DNAH7: variants seen among roughly 807,000 people sequenced by gnomAD.
The protein encoded by DNAH7 is dynein axonemal heavy chain 7.
A neutral mutation model predicts 444.6 loss-of-function variants in DNAH7; 397 were observed. The ratio of observed to expected loss-of-function variants is 0.89; its 90% CI spans 0.82 to 0.97. The LOEUF (loss-of-function observed/expected upper bound fraction) is 0.97. Among genes scored for constraint, DNAH7 ranks in the 50% least tolerant of loss-of-function variants. DNAH7 has a pLI of 0.00. For synonymous variants in DNAH7, 1,636 were observed against 1,624.4 expected (o/e 1.01, Z -0.17); for missense variants, 4,902 against 4,800.8 (o/e 1.02, Z -0.62).
Position 195,809,775 on chromosome 2 carries a change from T to C in DNAH7, c.9858A>G (p.Leu3286=), listed in dbSNP as rs148529386. 476 of 1,598,690 alleles carry C rather than the reference T, an allele frequency of 3.0e-4. 5 individuals are homozygous for C. The East Asian group carries it at 0.011, about 36-fold the overall frequency. The change falls in exon 52 of 65, where the codon CTA becomes CTG. Residue 3286 remains leucine (L), a synonymous_variant. Coordinates refer to ENST00000312428, the MANE Select transcript of DNAH7 (RefSeq NM_018897.3). ...GCTCATGCAGCAGTAGATTTATGGT[T>C]AGACAAAAGGAAAAGAGCAGCTTAT... ...EKDKLLFSFC[L]TINLLLHERA... is the part of the protein sequence containing the mutation.
At chr2:195,915,724 T>TC (rs1687635450) in intron 24 of DNAH7, among the ~76,000 whole-genome samples, 1 of 152,136 alleles carries the variant, frequency 6.6e-6, no homozygotes, top group African/African-American at 2.4e-5. Context: ...TGGCTCTCAT[T>TC]CCCCATCTGC....
At chr2:196,050,741 C>T (rs183364251) in intron 3 of DNAH7, among the ~76,000 whole-genome samples, 8 of 152,126 alleles carry the variant, frequency 5.3e-5, no homozygotes, top group Admixed American at 3.9e-4. Context: ...AAAAAGATTC[C>T]AAAATCTAAG....
intron 58 of DNAH7, among the ~76,000 whole-genome samples, chr2:195,782,321 A>C (rs1369418573): frequency 3.3e-5 from 5 of 152,198 alleles, no homozygotes; most frequent in Non-Finnish European, 7.3e-5. Context: ...CTCATGATGA[A>C]GTATACATGA....
At chr2:195,815,342 T>C (rs896793189) in intron 51 of DNAH7, among the ~76,000 whole-genome samples, 2 of 152,146 alleles carry the variant, frequency 1.3e-5, no homozygotes, top group African/African-American at 2.4e-5. Flanking sequence ...CAGATATCTA[T>C]ATATCTATAT....
Position 195,927,797 on chromosome 2 carries a change from G to A in DNAH7, c.3472-1231C>T, listed in dbSNP as rs536191297. On this transcript the variant is annotated intron_variant, in intron 21 of 64. Coordinates refer to ENST00000312428, the MANE Select transcript of DNAH7 (RefSeq NM_018897.3). ...ATATATGTAGTAGCCTTTCAAGCATGCAAATACACATAGCACAACACAGTA... is the reference window on the plus strand; with the variant it reads ...ATATATGTAGTAGCCTTTCAAGCATACAAATACACATAGCACAACACAGTA... Among the ~76,000 whole-genome samples the A allele has an allele frequency of 2.6e-5, 4 of 151,960 alleles. No individual in the cohort carries two copies. The South Asian group carries it at 8.3e-4, about 32-fold the overall frequency.
chr2:196,030,686 G>C (rs1377732145), intron 5 of DNAH7, among the ~76,000 whole-genome samples: 2 of 152,188 alleles, frequency 1.3e-5, no homozygotes, highest in Non-Finnish European at 2.9e-5. Context: ...TGGTTACAGA[G>C]CCCATTCAAG....
intron 47 of DNAH7, among the ~76,000 whole-genome samples, chr2:195,844,155 C>T (rs1698848235): frequency 6.6e-6 from 1 of 152,150 alleles, no homozygotes; most frequent in Non-Finnish European, 1.5e-5. Flanking sequence ...CTAGTCTCCA[C>T]ATTTAGTGTT....
intron 5 of DNAH7, among the ~76,000 whole-genome samples, chr2:196,035,979 C>T (rs1259760189): frequency 2.6e-5 from 4 of 151,892 alleles, no homozygotes; most frequent in African/African-American, 7.2e-5. Flanking sequence ...GCCAACACCA[C>T]AGGATTATAT....
chr2:195,957,725 A>G (rs954752260), intron 18 of DNAH7, among the ~76,000 whole-genome samples: 1 of 152,084 alleles, frequency 6.6e-6, no homozygotes, highest in African/African-American at 2.4e-5. Flanking sequence ...AAGATAAATC[A>G]CTAGATTTGT....
At chr2:195,792,166 C>CAA (rs34983984) in intron 57 of DNAH7, among the ~76,000 whole-genome samples, 4,239 of 52,208 alleles carry the variant, frequency 0.081, 342 homozygotes, top group African/African-American at 0.13. Context: ...GACCCTGTCT[C>CAA]AAAAAAAAAA....
At position 195,828,608 on chromosome 2, in the gene DNAH7, ATATTT is replaced by A. The variant is rs1419317331; in HGVS notation, c.9101-4168_9101-4164del. On this transcript the variant is annotated intron_variant, in intron 48 of 64. Coordinates refer to ENST00000312428, the MANE Select transcript of DNAH7 (RefSeq NM_018897.3). ...TCAAAAATAACATATATATATATAT[ATATTT>A]TTTTTTTTTTTTTCTATTGCATATT... Among the ~76,000 whole-genome samples, 82 of 105,282 alleles carry A rather than the reference ATATTT, an allele frequency of 7.8e-4. No individual in the cohort carries two copies. In the Middle Eastern group the frequency reaches 0.017, roughly 21 times the overall value. The allele number at this position is 105,282 out of a possible 152,430, so 69.1% of individuals were successfully genotyped here.
At chr2:195,775,768 C>G (rs1184152139) in intron 60 of DNAH7, 78 bp downstream of exon 60, 74 of 1,457,188 alleles carry the variant, frequency 5.1e-5, no homozygotes, top group East Asian at 2.9e-4. Flanking sequence ...TGTAAGGAAG[C>G]CTGTTCAGTG....
chr2:195,866,270 C>G (rs1327126041), intron 40 of DNAH7, among the ~76,000 whole-genome samples: 1 of 151,428 alleles, frequency 6.6e-6, no homozygotes, highest in Non-Finnish European at 1.5e-5. Context: ...ATTGCCCTAG[C>G]ATTAAGGTTA....
intron 19 of DNAH7, among the ~76,000 whole-genome samples, chr2:195,939,269 C>T (rs1469959982): frequency 6.6e-6 from 1 of 152,068 alleles, no homozygotes; most frequent in East Asian, 1.9e-4. Context: ...TTACATCACT[C>T]CATGTTTTAT....
At chr2:195,742,408 T>C (rs1392330779) in intron 63 of DNAH7, among the ~76,000 whole-genome samples, 2 of 152,228 alleles carry the variant, frequency 1.3e-5, no homozygotes, top group African/African-American at 2.4e-5. Context: ...AGATTAGTTA[T>C]TCCTCATTTG....
rs759356282 is a variant in DNAH7 at position 195,787,191 on chromosome 2, T to A, written c.10717-20A>T. 52 of 1,571,820 alleles carry A rather than the reference T, an allele frequency of 3.3e-5. No individual in the cohort carries two copies. The highest frequency in any genetic ancestry group is 4.4e-5 in the Non-Finnish European group (51 of 1,165,690). ...TTCCTCCTGTAATGAGAAGAAATGA[T>A]GCCGCATCATTATTTTCTCCATATA... On this transcript the variant is annotated intron_variant, in intron 57 of 64. Coordinates refer to ENST00000312428, the MANE Select transcript of DNAH7 (RefSeq NM_018897.3).
intron 30 of DNAH7, 93 bp downstream of exon 30, chr2:195,894,883 T>C: frequency 8.4e-7 from 1 of 1,186,264 alleles, no homozygotes; most frequent in Non-Finnish European, 1.1e-6. Flanking sequence ...TGATTTTAAG[T>C]TGCCACATTG....
chr2:195,831,985 T>C (rs1698096424), intron 48 of DNAH7, among the ~76,000 whole-genome samples: 1 of 152,194 alleles, frequency 6.6e-6, no homozygotes, highest in Non-Finnish European at 1.5e-5. Context: ...ATTTCAAACT[T>C]TTCTGGCCAC....
At chr2:196,063,134 A>C (rs1348358949) in intron 1 of DNAH7, among the ~76,000 whole-genome samples, 1 of 152,098 alleles carries the variant, frequency 6.6e-6, no homozygotes, top group Non-Finnish European at 1.5e-5. Context: ...CACCCACCTC[A>C]GCCTCCCAAA....
Sources: allele counts gnomAD v4.1 joint callset (sites outside exome capture counted in the v4.1 genomes callset), GRCh38; gene constraint gnomAD v4.1.1; transcripts MANE v1.5; gene names NCBI Gene and HGNC (gene_info 2026-07-23, HGNC 2026-07-21).